ALDH7A1: variants seen among roughly 807,000 people sequenced by gnomAD.
ALDH7A1 encodes the protein alpha-aminoadipic semialdehyde dehydrogenase.
In ALDH7A1, 63 loss-of-function variants were observed where a neutral mutation model predicts 79.9. That is an observed-to-expected ratio of 0.79 (90% confidence interval 0.64 to 0.97). The LOEUF is 0.97. ALDH7A1 is among the 50% of genes least tolerant of loss of function. The probability of loss-of-function intolerance (pLI) is 0.00; values close to 1 mark genes in which losing one functional copy is unlikely to be tolerated. For synonymous variants in ALDH7A1, 240 were observed against 231.2 expected (o/e 1.04, Z -0.34); for missense variants, 627 against 665.2 (o/e 0.94, Z 0.63).
At chr5:126,589,519 G>A (rs1412482058) in intron 3 of ALDH7A1, among the ~76,000 whole-genome samples, 3 of 151,684 alleles carry the variant, frequency 2.0e-5, no homozygotes, top group Admixed American at 1.3e-4. Flanking sequence ...AGTGGCTAAC[G>A]CCTGTAATCC....
At position 126,555,904 on chromosome 5, in the gene ALDH7A1, G is replaced by A. The variant is rs765273003; in HGVS notation, c.1093+27C>T. The A allele has an allele frequency of 3.0e-5, 47 of 1,551,832 alleles. 1 individual carries two copies. The highest frequency in any genetic ancestry group is 1.1e-4 in the South Asian group (10 of 89,822). Reference sequence around the variant, plus strand: ...TAACAACAGCTCTCAAAAAGGGATCGCTTTGAAAGCAGAAGGAGATACTCA... The same window carrying A: ...TAACAACAGCTCTCAAAAAGGGATCACTTTGAAAGCAGAAGGAGATACTCA... On this transcript the variant is annotated intron_variant, in intron 12 of 17. Coordinates refer to ENST00000409134, the MANE Select transcript of ALDH7A1 (RefSeq NM_001182.5).
intron 9 of ALDH7A1, among the ~76,000 whole-genome samples, chr5:126,567,044 T>C (rs918967282): frequency 2.0e-5 from 3 of 152,240 alleles, no homozygotes; most frequent in Admixed American, 6.5e-5. Context: ...ATGCTTATAC[T>C]GGTCCAAGCA....
intron 16 of ALDH7A1, among the ~76,000 whole-genome samples, chr5:126,549,332 G>A (rs150745772): frequency 6.6e-6 from 1 of 151,916 alleles, no homozygotes; most frequent in Non-Finnish European, 1.5e-5. Flanking sequence ...ATGCATGTTT[G>A]TTTTGCTTCT....
intron 10 of ALDH7A1, 79 bp downstream of exon 10, chr5:126,561,004 C>T: frequency 3.3e-6 from 5 of 1,506,826 alleles, no homozygotes; most frequent in Non-Finnish European, 4.6e-6. Context: ...AAATGAGATC[C>T]CAAACAAGTT....
At chr5:126,549,891 T>C in intron 16 of ALDH7A1, 38 bp downstream of exon 16, 2 of 1,600,388 alleles carry the variant, frequency 1.2e-6, no homozygotes, top group South Asian at 1.1e-5. Context: ...TTTTCTTTGC[T>C]GCCCAACATG....
At chr5:126,561,483 AGTGTGTGTGT>A (rs57059063) in intron 9 of ALDH7A1, 3,143 of 154,898 alleles carry the variant, frequency 0.02, 88 homozygotes, top group African/African-American at 0.071. Flanking sequence ...GCACCCACAG[AGTGTGTGTGT>A]GTGTGTGTGT....
In ALDH7A1 at chr5:126,544,089, C is replaced by G. The variant is rs1483821559; in HGVS notation, c.*876G>C. ...TCTCCTGCCTCAGCCTCCCTAATAG[C>G]TGGGATTACAGGTGCCTGCCACCAC... On this transcript the variant is annotated 3_prime_UTR_variant, in exon 18 of 18. Coordinates refer to ENST00000409134, the MANE Select transcript of ALDH7A1 (RefSeq NM_001182.5). 1 of 151,224 alleles carries G rather than the reference C, an allele frequency of 6.6e-6. No homozygotes were observed. The highest frequency in any genetic ancestry group is 1.9e-4 in the East Asian group (1 of 5,146). The allele number at this position is 151,224 out of a possible 1,614,324, so 9.4% of individuals were successfully genotyped here. A position where few individuals can be genotyped will look rare whatever the true frequency, so the allele number is the denominator to read the frequency against.
At position 126,543,886 on chromosome 5, in the gene ALDH7A1, A is replaced by G. The variant is rs1322562421; in HGVS notation, c.*1079T>C. On this transcript the variant is annotated 3_prime_UTR_variant, in exon 18 of 18. Coordinates refer to ENST00000409134, the MANE Select transcript of ALDH7A1 (RefSeq NM_001182.5). The stretch of plus-strand genomic sequence containing the variant: ...ATGCTGCCACACACACTGAGGATTG[A>G]GAACAGATCCAAGGGCAACCGCAGA... The G allele has an allele frequency of 6.6e-6, 1 of 152,098 alleles. No homozygotes were observed. Among genetic ancestry groups the G allele is most frequent in the Non-Finnish European group, 1.5e-5 (1 of 68,026 alleles). 9.4% of individuals were successfully genotyped at this position (152,098 alleles called of 1,614,324 possible).
intron 10 of ALDH7A1, 64 bp from the exon 11 acceptor site, chr5:126,559,398 G>T: frequency 8.4e-7 from 1 of 1,184,352 alleles, no homozygotes; most frequent in Non-Finnish European, 1.3e-6. Flanking sequence ...TTTGTTAGCT[G>T]GTATAAAACA....
chr5:126,567,428 T>C (rs975061701), intron 9 of ALDH7A1, among the ~76,000 whole-genome samples: 1 of 152,244 alleles, frequency 6.6e-6, no homozygotes, highest in Admixed American at 6.5e-5. Context: ...ATAAATATTC[T>C]ATGTGATTCA....
At chr5:126,560,821 C>CA (rs141581622) in intron 10 of ALDH7A1, among the ~76,000 whole-genome samples, 46 of 152,322 alleles carry the variant, frequency 3.0e-4, no homozygotes, top group African/African-American at 1.1e-3. Flanking sequence ...TGCCATACTA[C>CA]AATGGCAATG....
intron 6 of ALDH7A1, among the ~76,000 whole-genome samples, chr5:126,576,626 C>G (rs2112793866): frequency 6.6e-6 from 1 of 152,214 alleles, no homozygotes; most frequent in East Asian, 1.9e-4. Context: ...CTTGGGAGTT[C>G]ACTACCAAAG....
chr5:126,551,288 C>G (rs1409374600), intron 14 of ALDH7A1, among the ~76,000 whole-genome samples: 4 of 151,940 alleles, frequency 2.6e-5, no homozygotes, highest in Non-Finnish European at 5.9e-5. Context: ...AACTCCGCAG[C>G]CTGTCCTCTG....
chr5:126,584,834 A>C (rs142047913), intron 3 of ALDH7A1, among the ~76,000 whole-genome samples: 2 of 152,100 alleles, frequency 1.3e-5, no homozygotes, highest in African/African-American at 4.8e-5. Flanking sequence ...ATGAAGTATA[A>C]TTACTGGGAT....
chr5:126,574,698 A>AAATAAT (rs10676689), intron 7 of ALDH7A1, among the ~76,000 whole-genome samples: 1,768 of 149,962 alleles, frequency 0.012, 36 homozygotes, highest in African/African-American at 0.04. Context: ...CCATCTCAAA[A>AAATAAT]AATAATAATA....
intron 6 of ALDH7A1, among the ~76,000 whole-genome samples, chr5:126,576,744 C>T (rs867463487): frequency 9.9e-5 from 15 of 152,034 alleles, no homozygotes; most frequent in African/African-American, 3.6e-4. Flanking sequence ...TGGCCAACAT[C>T]GTGAAACCCC....
chr5:126,573,310 T>C (rs572007225), intron 7 of ALDH7A1, among the ~76,000 whole-genome samples: 30 of 150,648 alleles, frequency 2.0e-4, no homozygotes, highest in Non-Finnish European at 4.0e-4. Flanking sequence ...CCTGTAATCC[T>C]AGCACTTTGG....
chr5:126,570,325 G>T, intron 8 of ALDH7A1: 1 of 197,230 alleles, frequency 5.1e-6, no homozygotes, highest in Non-Finnish European at 1.0e-5. Flanking sequence ...GAATTATATG[G>T]CAATTAAAAA....
intron 9 of ALDH7A1, among the ~76,000 whole-genome samples, chr5:126,566,707 A>T (rs1205248526): frequency 6.6e-6 from 1 of 152,188 alleles, no homozygotes; most frequent in Non-Finnish European, 1.5e-5. Flanking sequence ...ATCCATATGC[A>T]TATGGATACA....
Sources: allele counts gnomAD v4.1 joint callset (sites outside exome capture counted in the v4.1 genomes callset), GRCh38; gene constraint gnomAD v4.1.1; transcripts MANE v1.5; gene names NCBI Gene and HGNC (gene_info 2026-07-23, HGNC 2026-07-21).